Variants in GRIK4 observed in about 807,000 individuals in gnomAD.
GRIK4 encodes glutamate receptor ionotropic, kainate 4.
A neutral mutation model predicts 104.9 loss-of-function variants in GRIK4; 40 were observed. The ratio of observed to expected loss-of-function variants is 0.38; its 90% CI spans 0.30 to 0.50. GRIK4 has a LOEUF of 0.50. Ranked by LOEUF, GRIK4 falls within the 20% of genes least tolerant of loss-of-function variation. GRIK4 has a pLI of 0.93. For synonymous variants in GRIK4, 485 were observed against 524.9 expected, an observed-to-expected ratio of 0.92 and a Z score of 1.04; for missense variants, 1,047 against 1,308.1, an observed-to-expected ratio of 0.80 and a Z score of 3.08.
chr11:120,816,873 C>T (rs958388107), intron 5 of GRIK4, among the ~76,000 whole-genome samples: 6 of 152,086 alleles, frequency 3.9e-5, no homozygotes, highest in African/African-American at 1.2e-4. Context: ...ATCCTCCTCC[C>T]GGTCACATAT....
chr11:120,681,035 C>CCA (rs1374914651), intron 3 of GRIK4, among the ~76,000 whole-genome samples: 2 of 152,202 alleles, frequency 1.3e-5, no homozygotes, highest in Non-Finnish European at 2.9e-5. Flanking sequence ...CCAAGGAAGA[C>CCA]CACCCCACAA....
At chr11:120,848,567 A>G (rs1375879663) in intron 8 of GRIK4, among the ~76,000 whole-genome samples, 1 of 152,176 alleles carries the variant, frequency 6.6e-6, no homozygotes, top group East Asian at 1.9e-4. Flanking sequence ...ACTTTCCCCA[A>G]GAGTACCCCA....
intron 1 of GRIK4, among the ~76,000 whole-genome samples, chr11:120,625,099 AC>A (rs1329257010): frequency 6.6e-6 from 1 of 151,952 alleles, no homozygotes; most frequent in East Asian, 1.9e-4. Flanking sequence ...ACATGGTAAA[AC>A]CCCGTCTCTA....
intron 1 of GRIK4, among the ~76,000 whole-genome samples, chr11:120,545,146 G>T (rs1264049328): frequency 6.6e-6 from 1 of 152,164 alleles, no homozygotes; most frequent in African/African-American, 2.4e-5. Context: ...GTGGCTCTCT[G>T]CAGGGTTCCC....
intron 11 of GRIK4, among the ~76,000 whole-genome samples, chr11:120,893,616 A>G (rs988136216): frequency 3.3e-5 from 5 of 152,218 alleles, no homozygotes; most frequent in African/African-American, 1.2e-4. Context: ...AGCCCCTGTG[A>G]GTATGGCGGG....
At chr11:120,541,498 CT>C (rs1022127961) in intron 1 of GRIK4, among the ~76,000 whole-genome samples, 90 of 148,004 alleles carry the variant, frequency 6.1e-4, no homozygotes, top group Admixed American at 3.9e-3. Flanking sequence ...GAAAAATACT[CT>C]TTTTTTTTTT....
intron 3 of GRIK4, among the ~76,000 whole-genome samples, chr11:120,781,807 G>A (rs1952162889): frequency 6.6e-6 from 1 of 152,144 alleles, no homozygotes; most frequent in Non-Finnish European, 1.5e-5. Context: ...ACCCTCCAGT[G>A]ACTGTTAATC....
intron 1 of GRIK4, among the ~76,000 whole-genome samples, chr11:120,599,924 C>T (rs1248869662): frequency 6.6e-6 from 1 of 152,238 alleles, no homozygotes; most frequent in Non-Finnish European, 1.5e-5. Flanking sequence ...CTTTTGGTGT[C>T]TCTTGCAGCC....
chr11:120,538,827 TG>T (rs1406197553), intron 1 of GRIK4, among the ~76,000 whole-genome samples: 6 of 152,238 alleles, frequency 3.9e-5, no homozygotes, highest in Non-Finnish European at 5.9e-5. Flanking sequence ...GATGCCAGGC[TG>T]GGGGCTCAGG....
chr11:120,776,150 T>A (rs914341920), intron 3 of GRIK4, among the ~76,000 whole-genome samples: 1 of 152,172 alleles, frequency 6.6e-6, no homozygotes, highest in Non-Finnish European at 1.5e-5. Context: ...CTGCTCTCTG[T>A]TATTGTTGTG....
intron 3 of GRIK4, among the ~76,000 whole-genome samples, chr11:120,799,327 G>A (rs3020184): frequency 0.06 from 9,091 of 152,236 alleles, 286 homozygotes; most frequent in Middle Eastern, 0.1. Flanking sequence ...AGGGAGAAGG[G>A]AGGAGGGGGA....
chr11:120,576,045 T>C (rs1948479564), intron 1 of GRIK4: 1 of 152,010 alleles, frequency 6.6e-6, no homozygotes, highest in Non-Finnish European at 1.5e-5. Context: ...GAGGCAACCA[T>C]AGGAAAACAA....
intron 13 of GRIK4, among the ~76,000 whole-genome samples, chr11:120,938,696 T>C (rs1943651062): frequency 6.6e-6 from 1 of 152,230 alleles, no homozygotes; most frequent in Non-Finnish European, 1.5e-5. Context: ...ACTTCACTTT[T>C]CTTATTTCAT....
At chr11:120,678,779 A>G (rs7119655) in intron 3 of GRIK4, among the ~76,000 whole-genome samples, 87,459 of 151,706 alleles carry the variant, frequency 0.58, 26,430 homozygotes, top group African/African-American at 0.76. Context: ...GATTACAGGT[A>G]CGTGCCACCA....
chr11:120,925,709 C>T (rs2852243), intron 13 of GRIK4, among the ~76,000 whole-genome samples: 140,745 of 152,216 alleles, frequency 0.92, 65,226 homozygotes, highest in East Asian at 0.99. Context: ...CAGTGGCTCA[C>T]GCCTGTAATC....
At chr11:120,668,327 GGAAA>G (rs760084732) in intron 3 of GRIK4, among the ~76,000 whole-genome samples, 31 of 120,814 alleles carry the variant, frequency 2.6e-4, no homozygotes, top group South Asian at 1.8e-3. Flanking sequence ...AAGGAAGGAA[GGAAA>G]GAAAGAAAAG....
intron 2 of GRIK4, among the ~76,000 whole-genome samples, chr11:120,659,240 C>A (rs1949771915): frequency 6.6e-6 from 1 of 151,998 alleles, no homozygotes; most frequent in Non-Finnish European, 1.5e-5. Context: ...ACATCAGAGG[C>A]CCACCCACCT....
chr11:120,635,251 T>C (rs1949383953), intron 1 of GRIK4, among the ~76,000 whole-genome samples: 3 of 152,334 alleles, frequency 2.0e-5, no homozygotes, highest in Middle Eastern at 3.4e-3. Context: ...GATGTTTGAA[T>C]AATTCTTGGA....
intron 3 of GRIK4, among the ~76,000 whole-genome samples, chr11:120,793,228 A>C (rs1952435680): frequency 6.6e-6 from 1 of 151,990 alleles, no homozygotes; most frequent in South Asian, 2.1e-4. Flanking sequence ...GGTCGAGGAG[A>C]ACATGGCATG....
Sources: allele counts gnomAD v4.1 joint callset (sites outside exome capture counted in the v4.1 genomes callset), GRCh38; gene constraint gnomAD v4.1.1; transcripts MANE v1.5; gene names NCBI Gene and HGNC (gene_info 2026-07-23, HGNC 2026-07-21).